Variants in NCKAP5 observed in about 807,000 individuals in gnomAD.
The protein encoded by NCKAP5 is NCK associated protein 5.
In NCKAP5, 92 loss-of-function variants were observed where a neutral mutation model predicts 167.0. The ratio of observed to expected loss-of-function variants is 0.55; its 90% CI spans 0.47 to 0.66. The LOEUF (loss-of-function observed/expected upper bound fraction) is 0.66, where lower values mean the gene tolerates loss of function less well. Ranked by LOEUF, NCKAP5 falls within the 30% of genes least tolerant of loss-of-function variation. The pLI, the probability that NCKAP5 is intolerant of heterozygous loss-of-function variation, is 0.00. For synonymous variants in NCKAP5, 891 were observed against 877.4 expected (o/e 1.02, Z -0.27); for missense variants, 2,378 against 2,315.0 (o/e 1.03, Z -0.56).
intron 15 of NCKAP5, among the ~76,000 whole-genome samples, chr2:132,778,862 T>A (rs111827671): frequency 0.011 from 1,605 of 152,282 alleles, 16 homozygotes; most frequent in Non-Finnish European, 0.014. Context: ...TCCCTCCTAT[T>A]CTTGTACCAG....
intron 6 of NCKAP5, among the ~76,000 whole-genome samples, chr2:133,101,850 T>C (rs911542543): frequency 1.3e-5 from 2 of 152,134 alleles, no homozygotes; most frequent in Admixed American, 1.3e-4. Flanking sequence ...GAAGTAAACA[T>C]GTCTGACAGG....
intron 8 of NCKAP5, among the ~76,000 whole-genome samples, chr2:132,906,108 C>T (rs1693991347): frequency 6.6e-6 from 1 of 152,096 alleles, no homozygotes; most frequent in South Asian, 2.1e-4. Context: ...GAGTTTGAAA[C>T]AAAAACTGGT....
chr2:132,826,852 G>C (rs1309766760), intron 11 of NCKAP5, among the ~76,000 whole-genome samples: 1 of 152,180 alleles, frequency 6.6e-6, no homozygotes, highest in African/African-American at 2.4e-5. Flanking sequence ...ACCATTGATA[G>C]TAGAAGTTCA....
chr2:133,625,650 C>T, the NCKAP5 span, among the ~76,000 whole-genome samples: 1 of 152,074 alleles, frequency 6.6e-6, no homozygotes, highest in Non-Finnish European at 1.5e-5. Context: ...ACGGGCGGAT[C>T]ACGAGGTCAG....
At chr2:132,900,791 C>T (rs1318099037) in intron 8 of NCKAP5, among the ~76,000 whole-genome samples, 2 of 151,852 alleles carry the variant, frequency 1.3e-5, no homozygotes, top group African/African-American at 2.4e-5. Flanking sequence ...GAAACCTCCT[C>T]TCTACTAAAA....
intron 9 of NCKAP5, among the ~76,000 whole-genome samples, chr2:132,873,758 G>A (rs1449857482): frequency 6.6e-6 from 1 of 152,166 alleles, no homozygotes; most frequent in Non-Finnish European, 1.5e-5. Context: ...TATTACTTGG[G>A]TTAGTGCATA....
chr2:133,636,673 A>G, the NCKAP5 span, among the ~76,000 whole-genome samples: 1 of 152,220 alleles, frequency 6.6e-6, no homozygotes, highest in Non-Finnish European at 1.5e-5. Flanking sequence ...AGAGCCAAAC[A>G]ACAAAACAAA....
At chr2:133,382,772 T>A (rs1311127128) in intron 3 of NCKAP5, among the ~76,000 whole-genome samples, 1 of 152,172 alleles carries the variant, frequency 6.6e-6, no homozygotes, top group African/African-American at 2.4e-5. Flanking sequence ...CATTGGGGCA[T>A]TATATGATCA....
chr2:132,712,600 A>C (rs954038839), intron 19 of NCKAP5, among the ~76,000 whole-genome samples: 34 of 152,052 alleles, frequency 2.2e-4, no homozygotes, highest in African/African-American at 6.8e-4. Context: ...TGCAGTGAGC[A>C]GAGATTGTGC....
intron 3 of NCKAP5, among the ~76,000 whole-genome samples, chr2:133,512,606 G>A (rs1683591083): frequency 6.6e-6 from 1 of 152,186 alleles, no homozygotes; most frequent in Admixed American, 6.5e-5. Context: ...TTTATAGAAA[G>A]AGTTTGCTGA....
intron 5 of NCKAP5, among the ~76,000 whole-genome samples, chr2:133,145,667 T>A (rs1247963871): frequency 2.6e-5 from 4 of 152,112 alleles, no homozygotes; most frequent in Non-Finnish European, 5.9e-5. Context: ...CTCTCCATAT[T>A]GTGCATGTAG....
At chr2:133,415,156 C>A (rs11903633) in intron 3 of NCKAP5, among the ~76,000 whole-genome samples, 3,086 of 152,266 alleles carry the variant, frequency 0.02, 98 homozygotes, top group African/African-American at 0.07. Flanking sequence ...TTCACACTGG[C>A]CGAAATGGAC....
intron 19 of NCKAP5, among the ~76,000 whole-genome samples, chr2:132,689,956 A>G (rs560167056): frequency 6.6e-6 from 1 of 152,306 alleles, no homozygotes; most frequent in South Asian, 2.1e-4. Flanking sequence ...ATAGATTGAT[A>G]TCTTAGTATA....
intron 3 of NCKAP5, among the ~76,000 whole-genome samples, chr2:133,393,413 C>T (rs1687546439): frequency 6.6e-6 from 1 of 152,216 alleles, no homozygotes; most frequent in Non-Finnish European, 1.5e-5. Context: ...TGGTAGCCAT[C>T]ACTAGAGGCC....
chr2:133,457,809 T>A (rs1243240100), intron 3 of NCKAP5, among the ~76,000 whole-genome samples: 1 of 152,206 alleles, frequency 6.6e-6, no homozygotes, highest in African/African-American at 2.4e-5. Flanking sequence ...TTTCTAGTTT[T>A]TTCATGCTAC....
At chr2:133,545,604 C>G (rs1686591556) in intron 2 of NCKAP5, among the ~76,000 whole-genome samples, 1 of 152,124 alleles carries the variant, frequency 6.6e-6, no homozygotes, top group Non-Finnish European at 1.5e-5. Flanking sequence ...GGTTACCGCA[C>G]CTAGCACCCA....
rs34533937 is a variant in NCKAP5, at chr2:133,283,612, A to AT, written c.143+19424dup. On this transcript the variant is annotated intron_variant, in intron 4 of 19. Transcript: ENST00000409261. ...TCAAAAGATAATAAAGCTGAAAAGG[A>AT]TTTTTTTTTTTTTTTTGAGACAGAG... 5.5e-3 allele frequency among the ~76,000 whole-genome samples: 792 copies of AT among 143,328 alleles called. 6 individuals are homozygous for AT. The highest frequency in any genetic ancestry group is 0.014 in the African/African-American group (531 of 39,142). The allele number at this position is 143,328 out of a possible 152,430, so 94.0% of individuals were successfully genotyped here.
intron 3 of NCKAP5, among the ~76,000 whole-genome samples, chr2:133,409,557 C>T (rs964566849): frequency 6.6e-6 from 1 of 152,172 alleles, no homozygotes; most frequent in African/African-American, 2.4e-5. Flanking sequence ...AGCAGAGATA[C>T]AAGTTGAGAC....
At chr2:133,479,238 TTAA>T (rs1393145304) in intron 3 of NCKAP5, among the ~76,000 whole-genome samples, 2 of 152,200 alleles carry the variant, frequency 1.3e-5, no homozygotes, top group African/African-American at 2.4e-5. Context: ...AGGAGAGGAA[TTAA>T]TAATTATTAT....
Sources: gnomAD v4.1 joint callset for allele counts (sites outside exome capture counted in the v4.1 genomes callset) on GRCh38, gnomAD v4.1.1 for gene constraint, MANE v1.5 for transcripts, NCBI Gene and HGNC (gene_info 2026-07-23, HGNC 2026-07-21) for gene names.